Variants in LGALS13 observed in about 807,000 individuals in gnomAD.
LGALS13 encodes galactoside-binding soluble lectin 13.
A neutral mutation model predicts 13.2 loss-of-function variants in LGALS13; 11 were observed. That is an observed-to-expected ratio of 0.83 (90% CI 0.52 to 1.38). The LOEUF (loss-of-function observed/expected upper bound fraction) is 1.38. Ranked by LOEUF, LGALS13 falls within the 40% of genes most tolerant of loss-of-function variation. The probability of loss-of-function intolerance (pLI) is 0.00; values close to 1 mark genes in which losing one functional copy is unlikely to be tolerated. For synonymous variants in LGALS13, 71 were observed against 63.7 expected (o/e 1.11, Z -0.54); for missense variants, 183 against 174.3 (o/e 1.05, Z -0.28).
intron 1 of LGALS13, among the ~76,000 whole-genome samples, chr19:39,604,313 T>C (rs919201600): frequency 4.6e-5 from 7 of 152,168 alleles, no homozygotes; most frequent in African/African-American, 7.2e-5. Flanking sequence ...TAATCCTCGT[T>C]GTCCTAGGGA....
At position 39,607,436 on chromosome 19, in the gene LGALS13, T is replaced by A; in HGVS notation, c.*97T>A. 1 of 838,456 alleles carries A rather than the reference T, an allele frequency of 1.2e-6. No individual in the cohort carries two copies. Among genetic ancestry groups the A allele is most frequent in the Admixed American group, 1.8e-5 (1 of 56,602 alleles). 51.9% of individuals were successfully genotyped at this position (838,456 alleles called of 1,614,324 possible). On this transcript the variant is annotated 3_prime_UTR_variant, in exon 4 of 4. Coordinates refer to ENST00000221797, the MANE Select transcript of LGALS13 (RefSeq NM_013268.3). The stretch of plus-strand genomic sequence containing the variant: ...TAACAGAATAATCCCTGCTCACATT[T>A]TCCCCTACACTTTGTCATTAAAACA...
intron 3 of LGALS13, 44 bp from the exon 4 acceptor site, chr19:39,607,179 G>A (rs780191042): frequency 6.1e-6 from 9 of 1,468,792 alleles, no homozygotes; most frequent in South Asian, 4.5e-5. Context: ...CCGAAAACTT[G>A]TTTGGTGGCA....
chr19:39,605,339 A>T lies in LGALS13; in HGVS notation c.254A>T (p.Asp85Val). The T allele has an allele frequency of 6.2e-7, 1 of 1,614,192 alleles. No homozygotes were observed. Among genetic ancestry groups the T allele is most frequent in the East Asian group, 2.2e-5 (1 of 44,878 alleles). Residue 85 changes from aspartate to valine, a missense_variant, in exon 3 of 4, where the codon GAT becomes GTT. Coordinates refer to ENST00000221797, the MANE Select transcript of LGALS13 (RefSeq NM_013268.3). ...EETTDYVPFEDGKQFELCIYV... is the reference protein window; with the variant it reads ...EETTDYVPFEVGKQFELCIYV... ...ACAACAGACTACGTGCCCTTTGAGG[A>T]TGGCAAACAATTTGAGCTGTGCATC...
rs148834005 is a variant in LGALS13 at position 39,603,232 on chromosome 19, G to T, written c.15+649G>T. ...GTGAGAGCAGAATGTATGATCAGTA[G>T]ATGTCTCTTCCCAGTAAGAGTGGGG... On this transcript the variant is annotated intron_variant, in intron 1 of 3. Coordinates refer to ENST00000221797, the MANE Select transcript of LGALS13 (RefSeq NM_013268.3). Among the ~76,000 whole-genome samples the T allele has an allele frequency of 3.8e-3, 575 of 152,186 alleles. 2 individuals are homozygous for T. Among genetic ancestry groups the T allele is most frequent in the African/African-American group, 0.013 (539 of 41,524 alleles).
At chr19:39,605,071 G>T (rs1223159833) in intron 2 of LGALS13, 107 bp from the exon 3 acceptor site, 1 of 937,766 alleles carries the variant, frequency 1.1e-6, no homozygotes, top group Admixed American at 2.0e-5. Flanking sequence ...AGTATTATCT[G>T]GGAGACTTTT....
chr19:39,605,423 TG>T, intron 3 of LGALS13, 35 bp downstream of exon 3: 2 of 1,572,228 alleles, frequency 1.3e-6, no homozygotes. Flanking sequence ...ACCCAGGCTC[TG>T]TGGGCTCCCA....
chr19:39,606,560 A>G (rs2144831350), intron 3 of LGALS13, among the ~76,000 whole-genome samples: 1 of 152,360 alleles, frequency 6.6e-6, no homozygotes, highest in African/African-American at 2.4e-5. Flanking sequence ...AATACTAATA[A>G]GGTTACTTTC....
chr19:39,605,828 T>TTTTG (rs1001629323), intron 3 of LGALS13, among the ~76,000 whole-genome samples: 4 of 150,280 alleles, frequency 2.7e-5, no homozygotes, highest in Non-Finnish European at 4.5e-5. Flanking sequence ...TTCAAAGAGG[T>TTTTG]TTTGTTTGTT....
At chr19:39,604,725 T>C (rs1052002634) in intron 2 of LGALS13, 47 bp downstream of exon 2, 2 of 1,607,154 alleles carry the variant, frequency 1.2e-6, no homozygotes, top group Admixed American at 3.3e-5. Context: ...GAAGGGAGAA[T>C]ATTTGCGAAG....
intron 2 of LGALS13, 88 bp from the exon 3 acceptor site, chr19:39,605,090 T>C: frequency 8.8e-7 from 1 of 1,141,870 alleles, no homozygotes; most frequent in Non-Finnish European, 1.3e-6. Flanking sequence ...TTTCCCTAGG[T>C]AAATGGGGGA....
intron 3 of LGALS13, among the ~76,000 whole-genome samples, chr19:39,606,302 G>A (rs1972687295): frequency 6.6e-6 from 1 of 152,202 alleles, no homozygotes; most frequent in Non-Finnish European, 1.5e-5. Context: ...TTATCAATCT[G>A]TCGTGCTGCT....
intron 3 of LGALS13, among the ~76,000 whole-genome samples, chr19:39,605,876 C>G (rs375406270): frequency 6.6e-6 from 1 of 152,106 alleles, no homozygotes; most frequent in Non-Finnish European, 1.5e-5. Flanking sequence ...GAGATAGAGT[C>G]TCATTTTTCA....
chr19:39,603,552 G>T (rs1216841433), intron 1 of LGALS13, among the ~76,000 whole-genome samples: 1 of 151,802 alleles, frequency 6.6e-6, no homozygotes, highest in Admixed American at 6.6e-5. Flanking sequence ...GCTTACAGTG[G>T]ATATTAATCA....
At chr19:39,603,785 G>A in intron 1 of LGALS13, 1 of 232,164 alleles carries the variant, frequency 4.3e-6, no homozygotes, top group Non-Finnish European at 7.1e-6. Flanking sequence ...CCAGGAGTCT[G>A]AGGTTTCAGT....
At chr19:39,604,095 C>T (rs1176803757) in intron 1 of LGALS13, 5 of 524,394 alleles carry the variant, frequency 9.5e-6, no homozygotes, top group Non-Finnish European at 1.2e-5. Context: ...TGTTGTTTCT[C>T]ACTGGAGTGA....
chr19:39,603,419 A>G (rs1972632174), intron 1 of LGALS13, among the ~76,000 whole-genome samples: 1 of 151,920 alleles, frequency 6.6e-6, no homozygotes. Flanking sequence ...TTAGGGAAGG[A>G]CATTAGAGGC....
At chr19:39,606,621 C>T (rs764327819) in intron 3 of LGALS13, among the ~76,000 whole-genome samples, 1 of 152,188 alleles carries the variant, frequency 6.6e-6, no homozygotes, top group Non-Finnish European at 1.5e-5. Context: ...CTTTCTCTAA[C>T]GAGTAGGCCA....
chr19:39,605,058 A>C (rs1972662063), intron 2 of LGALS13, 120 bp from the exon 3 acceptor site: 1 of 845,294 alleles, frequency 1.2e-6, no homozygotes, highest in African/African-American at 1.7e-5. Context: ...GGACCTGGCC[A>C]TCAGTATTAT....
rs375565496 is a variant in LGALS13, at chr19:39,605,186, C to T, written c.101C>T (p.Pro34Leu). The T allele has an allele frequency of 5.0e-6, 8 of 1,614,104 alleles. No homozygotes were observed. Among genetic ancestry groups the T allele is most frequent in the Non-Finnish European group, 6.8e-6 (8 of 1,179,976 alleles). Residue 34 changes from proline to leucine, a missense_variant, in exon 3 of 4, where the codon CCA becomes CTA. By Grantham distance (98) the Pro-to-Leu change is moderately conservative. Coordinates refer to ENST00000221797, the MANE Select transcript of LGALS13 (RefSeq NM_013268.3). The stretch of plus-strand genomic sequence containing the variant: ...GCGTGCTTCACCCTCAGCAATGACC[C>T]ACAGCTGCAGGTGGATTTCTACACT... ...GTPIHSFIND[P>L]QLQVDFYTDM...
Sources: gnomAD v4.1 joint callset for allele counts (sites outside exome capture counted in the v4.1 genomes callset) on GRCh38, gnomAD v4.1.1 for gene constraint, MANE v1.5 for transcripts, NCBI Gene and HGNC (gene_info 2026-07-23, HGNC 2026-07-21) for gene names.